SEMA5A: variants seen among roughly 807,000 people sequenced by gnomAD.
SEMA5A encodes the protein semaphorin-5A.
SEMA5A carries 55 observed loss-of-function variants against 135.5 expected under a neutral mutation model. The ratio of observed to expected loss-of-function variants is 0.41; its 90% CI spans 0.33 to 0.51. The LOEUF is 0.51. Ranked by LOEUF, SEMA5A falls within the 20% of genes least tolerant of loss-of-function variation. SEMA5A has a pLI of 0.37. For synonymous variants in SEMA5A, 580 were observed against 546.5 expected, an observed-to-expected ratio of 1.06 and a Z score of -0.85; for missense variants, 1,290 against 1,419.9, an observed-to-expected ratio of 0.91 and a Z score of 1.47.
chr5:9,290,297 T>C lies in SEMA5A; in HGVS notation c.270+28075A>G, dbSNP rs566083874. Among the ~76,000 whole-genome samples the C allele has an allele frequency of 4.7e-4, 72 of 152,322 alleles. No homozygotes were observed. In the Middle Eastern group the frequency reaches 0.014, roughly 29 times the overall value. Reference sequence around the variant, plus strand: ...AGCACTCCCATTATGAGTGAGAACATATGATGTTTGGTTTTCCATTCCTGA... The same window carrying C: ...AGCACTCCCATTATGAGTGAGAACACATGATGTTTGGTTTTCCATTCCTGA... On this transcript the variant is annotated intron_variant, in intron 5 of 22. Transcript: ENST00000382496.
chr5:9,509,538 G>C (rs1195452885), intron 1 of SEMA5A, among the ~76,000 whole-genome samples: 16 of 152,108 alleles, frequency 1.1e-4, no homozygotes. Flanking sequence ...GCCTCCCAAA[G>C]TGCTGGGATT....
At chr5:9,521,771 C>G (rs940067289) in intron 1 of SEMA5A, among the ~76,000 whole-genome samples, 4 of 152,216 alleles carry the variant, frequency 2.6e-5, no homozygotes, top group African/African-American at 9.6e-5. Context: ...AGAGAGCTTT[C>G]CTAATAAAGC....
chr5:9,151,053 C>T (rs1245188425), intron 12 of SEMA5A, among the ~76,000 whole-genome samples: 1 of 152,122 alleles, frequency 6.6e-6, no homozygotes, highest in Non-Finnish European at 1.5e-5. Context: ...TTGAGCAGGA[C>T]ACCAAAAATA....
chr5:9,181,277 C>T (rs1394162259), intron 11 of SEMA5A, among the ~76,000 whole-genome samples: 2 of 152,154 alleles, frequency 1.3e-5, no homozygotes, highest in African/African-American at 2.4e-5. Flanking sequence ...ATTTAAAAGC[C>T]ACATTCATAG....
At chr5:9,377,124 G>T (rs201008824) in intron 3 of SEMA5A, among the ~76,000 whole-genome samples, 1 of 136,168 alleles carries the variant, frequency 7.3e-6, no homozygotes, top group Non-Finnish European at 1.6e-5. Flanking sequence ...AAAAAAAAAA[G>T]AATGACATCA....
chr5:9,150,712 CAGCTTAGAA>C (rs1193890487), intron 12 of SEMA5A, among the ~76,000 whole-genome samples: 1 of 152,152 alleles, frequency 6.6e-6, no homozygotes, highest in Non-Finnish European at 1.5e-5. Context: ...AATGGAGACT[CAGCTTAGAA>C]AGCTTTGGAA....
intron 11 of SEMA5A, among the ~76,000 whole-genome samples, chr5:9,172,805 C>A (rs1381821487): frequency 6.6e-6 from 1 of 152,164 alleles, no homozygotes; most frequent in Non-Finnish European, 1.5e-5. Flanking sequence ...GTTTCTTGAG[C>A]AAATTTTCCT....
At chr5:9,471,474 T>A (rs1451676459) in intron 1 of SEMA5A, among the ~76,000 whole-genome samples, 1 of 152,116 alleles carries the variant, frequency 6.6e-6, no homozygotes, top group Non-Finnish European at 1.5e-5. Flanking sequence ...TTCCTACCAA[T>A]ACATAATCCA....
At chr5:9,433,078 T>A (rs762879763) in intron 2 of SEMA5A, among the ~76,000 whole-genome samples, 12 of 152,174 alleles carry the variant, frequency 7.9e-5, no homozygotes, top group Non-Finnish European at 1.2e-4. Context: ...TTTCTGGGAT[T>A]TTCTCCCACT....
At chr5:9,448,019 G>T (rs989368081) in intron 1 of SEMA5A, among the ~76,000 whole-genome samples, 3 of 152,120 alleles carry the variant, frequency 2.0e-5, no homozygotes, top group African/African-American at 7.2e-5. Context: ...AGAACCAAAA[G>T]GTCGGCATGT....
rs1319320329 is a variant in SEMA5A at position 9,097,907 on chromosome 5, C to T, written c.2073+10233G>A. ...ACTTGGCTGTTGGTAAGAGGGACAA[C>T]ATCAGTACATCACTTAAGTTGGCTG... On this transcript the variant is annotated intron_variant, in intron 16 of 22. Transcript: ENST00000382496. Among the ~76,000 whole-genome samples the T allele has an allele frequency of 4.6e-5, 7 of 152,186 alleles. 1 individual carries two copies. The highest frequency in any genetic ancestry group is 4.6e-4 in the Admixed American group (7 of 15,274).
At chr5:9,106,150 G>T (rs758421316) in intron 16 of SEMA5A, among the ~76,000 whole-genome samples, 1 of 152,062 alleles carries the variant, frequency 6.6e-6, no homozygotes, top group Non-Finnish European at 1.5e-5. Context: ...CTACCAAAAG[G>T]CTAAGTTTGG....
At chr5:9,053,117 G>A (rs1288743945) in intron 19 of SEMA5A, among the ~76,000 whole-genome samples, 1 of 152,152 alleles carries the variant, frequency 6.6e-6, no homozygotes, top group Non-Finnish European at 1.5e-5. Flanking sequence ...CAATGTCAAA[G>A]TTAGACCAAG....
At chr5:9,096,755 T>A (rs1197399648) in intron 16 of SEMA5A, among the ~76,000 whole-genome samples, 1 of 152,036 alleles carries the variant, frequency 6.6e-6, no homozygotes, top group South Asian at 2.1e-4. Flanking sequence ...ATAAAAAAAA[T>A]ATATATGACC....
In SEMA5A at chr5:9,038,205, G is replaced by C. The variant is rs1735758223; in HGVS notation, c.*4692C>G. The C allele has an allele frequency of 6.6e-6, 1 of 152,200 alleles. No individual in the cohort carries two copies. Among genetic ancestry groups the C allele is most frequent in the Non-Finnish European group, 1.5e-5 (1 of 68,034 alleles). The allele number at this position is 152,200 out of a possible 1,614,324, so 9.4% of individuals were successfully genotyped here. On this transcript the variant is annotated 3_prime_UTR_variant, in exon 23 of 23. Coordinates refer to ENST00000382496, the MANE Select transcript of SEMA5A (RefSeq NM_003966.3). ...CCATATCATAAGTGGTGAAGAATTT[G>C]CATATAGTTAAGGTTATTAGTACCG...
At chr5:9,113,993 C>T (rs1002697583) in intron 15 of SEMA5A, among the ~76,000 whole-genome samples, 1 of 152,184 alleles carries the variant, frequency 6.6e-6, no homozygotes, top group Non-Finnish European at 1.5e-5. Flanking sequence ...AATGGATACT[C>T]ATATGCCAAT....
chr5:9,282,910 A>T (rs1750614435), intron 5 of SEMA5A, among the ~76,000 whole-genome samples: 1 of 152,184 alleles, frequency 6.6e-6, no homozygotes, highest in East Asian at 1.9e-4. Flanking sequence ...CGATTGAGCC[A>T]TGACAATCAG....
chr5:9,329,119 C>T (rs1579354083), intron 4 of SEMA5A, among the ~76,000 whole-genome samples: 1 of 152,126 alleles, frequency 6.6e-6, no homozygotes, highest in Non-Finnish European at 1.5e-5. Flanking sequence ...TGGAGGAACA[C>T]CTTCTCTATG....
chr5:9,321,486 C>A (rs1020025414), intron 4 of SEMA5A, among the ~76,000 whole-genome samples: 1 of 152,134 alleles, frequency 6.6e-6, no homozygotes, highest in East Asian at 1.9e-4. Flanking sequence ...ATGCAAAAAC[C>A]AGAGTTCTGC....
Sources: allele counts gnomAD v4.1 joint callset (sites outside exome capture counted in the v4.1 genomes callset), GRCh38; gene constraint gnomAD v4.1.1; transcripts MANE v1.5; gene names NCBI Gene and HGNC (gene_info 2026-07-23, HGNC 2026-07-21).